The following FAM227B variants were observed in gnomAD, a reference collection of about 807,000 sequenced individuals.
FAM227B encodes family with sequence similarity 227 member B, also known as protein FAM227B.
A neutral mutation model predicts 73.8 loss-of-function variants in FAM227B; 88 were observed. That is an observed-to-expected ratio of 1.19 (90% confidence interval 1.00 to 1.42). The LOEUF is 1.42. Among genes scored for constraint, FAM227B ranks in the 40% most tolerant of loss-of-function variants. FAM227B has a pLI of 0.00. For missense variants in FAM227B, 632 were observed against 590.9 expected (o/e 1.07, Z -0.72); for synonymous variants, 210 against 190.5 (o/e 1.10, Z -0.84).
chr15:49,582,571 T>C (rs995966922), intron 5 of FAM227B, among the ~76,000 whole-genome samples: 13 of 152,250 alleles, frequency 8.5e-5, no homozygotes, highest in African/African-American at 2.2e-4. Context: ...GGACAGATCA[T>C]TGAGGCAGAA....
At position 49,510,480 on chromosome 15, in the gene FAM227B, A is replaced by G. The variant is rs186785391; in HGVS notation, c.875-2132T>C. Among the ~76,000 whole-genome samples the G allele has an allele frequency of 2.0e-3, 300 of 152,154 alleles. 1 individual carries two copies. The highest frequency in any genetic ancestry group is 6.9e-3 in the African/African-American group (287 of 41,506). On this transcript the variant is annotated intron_variant, in intron 10 of 15. Coordinates refer to ENST00000299338, the MANE Select transcript of FAM227B (RefSeq NM_152647.3). ...TTAGCTCCAAACTGCTCCCCCCACT[A>G]TTGTCTAAATTGCCTTTGAATACAT...
chr15:49,497,519 G>A (rs1306772299), intron 11 of FAM227B, among the ~76,000 whole-genome samples: 1 of 152,080 alleles, frequency 6.6e-6, no homozygotes, highest in Non-Finnish European at 1.5e-5. Context: ...ATGAGTTGGG[G>A]GAGGCACTCA....
At chr15:49,510,827 G>A (rs1181044525) in intron 10 of FAM227B, among the ~76,000 whole-genome samples, 1 of 151,878 alleles carries the variant, frequency 6.6e-6, no homozygotes, top group Non-Finnish European at 1.5e-5. Context: ...AAATTGGTTG[G>A]GTCTAGGGTC....
intron 11 of FAM227B, among the ~76,000 whole-genome samples, chr15:49,432,608 A>T (rs959219041): frequency 2.0e-5 from 3 of 151,680 alleles, no homozygotes; most frequent in Non-Finnish European, 4.4e-5. Context: ...GTTGTCAAGA[A>T]CTAAACGAAG....
chr15:49,366,765 T>C, intron 13 of FAM227B: 1 of 690,622 alleles, frequency 1.4e-6, no homozygotes, highest in Non-Finnish European at 2.4e-6. Context: ...CTGCGCTGCC[T>C]CCGTGGCGGG....
intron 11 of FAM227B, among the ~76,000 whole-genome samples, chr15:49,456,795 A>G (rs2053336343): frequency 6.6e-6 from 1 of 152,156 alleles, no homozygotes. Context: ...GGAAGTCACA[A>G]ATAAACAAAA....
At chr15:49,450,086 A>G (rs1390898792) in intron 11 of FAM227B, among the ~76,000 whole-genome samples, 1 of 152,148 alleles carries the variant, frequency 6.6e-6, no homozygotes, top group East Asian at 1.9e-4. Context: ...GACTGAGAAG[A>G]AACAAATTAA....
At position 49,342,539 on chromosome 15, in the gene FAM227B, ATAAT is replaced by A. The variant is rs534431226; in HGVS notation, c.1272-7047_1272-7044del. On this transcript the variant is annotated intron_variant, in intron 13 of 15. Transcript: ENST00000299338. The stretch of plus-strand genomic sequence containing the variant: ...ATTTAGACTGTTTACATTCAAGGTT[ATAAT>A]TAATATGTGAGGCTTTGGTGCTATC... Among the ~76,000 whole-genome samples, 10 of 152,288 alleles carry A rather than the reference ATAAT, an allele frequency of 6.6e-5. No homozygotes were observed. In the East Asian group the frequency reaches 1.9e-3, roughly 29 times the overall value.
intron 7 of FAM227B, among the ~76,000 whole-genome samples, chr15:49,575,654 T>G (rs571318960): frequency 6.6e-6 from 1 of 152,146 alleles, no homozygotes; most frequent in Admixed American, 6.5e-5. Flanking sequence ...TGCTCAATAA[T>G]CATATTTGGC....
intron 15 of FAM227B, chr15:49,329,688 C>A (rs1263498043): frequency 2.0e-6 from 2 of 977,596 alleles, no homozygotes; most frequent in Non-Finnish European, 2.4e-6. Context: ...TCTATAAATC[C>A]AAAAATCTGA....
intron 10 of FAM227B, among the ~76,000 whole-genome samples, chr15:49,531,379 G>C (rs575394919): frequency 1.3e-5 from 2 of 151,854 alleles, no homozygotes; most frequent in East Asian, 3.9e-4. Context: ...AATAATCATA[G>C]AAAAATTTAA....
At chr15:49,507,748 T>C (rs1597715497) in intron 11 of FAM227B, among the ~76,000 whole-genome samples, 1 of 152,090 alleles carries the variant, frequency 6.6e-6, no homozygotes, top group Non-Finnish European at 1.5e-5. Context: ...CCCATCATAT[T>C]GGAATACAAC....
chr15:49,570,971 T>G (rs2152360661), intron 8 of FAM227B, among the ~76,000 whole-genome samples: 1 of 149,684 alleles, frequency 6.7e-6, no homozygotes, highest in East Asian at 1.9e-4. Context: ...TCTTTATCCA[T>G]TCATCCATTG....
intron 13 of FAM227B, chr15:49,366,198 G>A: frequency 1.2e-6 from 1 of 803,184 alleles, no homozygotes; most frequent in South Asian, 1.3e-5. Context: ...GGCCACGATG[G>A]AGAACACATT....
At chr15:49,348,482 G>A (rs1418814405) in intron 13 of FAM227B, among the ~76,000 whole-genome samples, 7 of 152,212 alleles carry the variant, frequency 4.6e-5, no homozygotes, top group East Asian at 1.9e-4. Flanking sequence ...AGCCAATTTC[G>A]TTTTTCCTTC....
chr15:49,454,756 C>T (rs372327531), intron 11 of FAM227B, among the ~76,000 whole-genome samples: 2 of 152,102 alleles, frequency 1.3e-5, no homozygotes. Flanking sequence ...ATTATAGGCG[C>T]GTGCCACCAT....
chr15:49,370,703 C>G (rs1247999595), intron 12 of FAM227B, among the ~76,000 whole-genome samples: 1 of 152,006 alleles, frequency 6.6e-6, no homozygotes, highest in Non-Finnish European at 1.5e-5. Flanking sequence ...AGACTGTAAC[C>G]AACTTAAAAT....
chr15:49,408,944 G>A (rs758623656), intron 11 of FAM227B, among the ~76,000 whole-genome samples: 1 of 152,006 alleles, frequency 6.6e-6, no homozygotes, highest in Admixed American at 6.6e-5. Flanking sequence ...AAATGAATGA[G>A]TATATAAATT....
At chr15:49,570,287 CTTG>C (rs745322400) in intron 8 of FAM227B, among the ~76,000 whole-genome samples, 63 of 151,886 alleles carry the variant, frequency 4.1e-4, no homozygotes, top group Non-Finnish European at 8.7e-4. Flanking sequence ...CTCACCAAAA[CTTG>C]TTATCTTTCA....
Sources: allele counts gnomAD v4.1 joint callset (sites outside exome capture counted in the v4.1 genomes callset), GRCh38; gene constraint gnomAD v4.1.1; transcripts MANE v1.5; gene names NCBI Gene and HGNC (gene_info 2026-07-23, HGNC 2026-07-21).